The following ANKRD61 variants were observed in gnomAD, a reference collection of about 807,000 sequenced individuals.
ANKRD61 encodes ankyrin repeat domain-containing protein 61.
In ANKRD61, 7 loss-of-function variants were observed where a neutral mutation model predicts 8.4. That is an observed-to-expected ratio of 0.84 (90% CI 0.48 to 1.57). The LOEUF is 1.57. ANKRD61 is among the 40% of genes most tolerant of loss of function. The probability of loss-of-function intolerance (pLI) is 0.00; values close to 1 mark genes in which losing one functional copy is unlikely to be tolerated. For missense variants in ANKRD61, 516 were observed against 523.4 expected, an observed-to-expected ratio of 0.99 and a Z score of 0.14; for synonymous variants, 198 against 208.0, an observed-to-expected ratio of 0.95 and a Z score of 0.41.
At chr7:6,031,687 C>T in intron 1 of ANKRD61, 96 bp downstream of exon 1, 1 of 1,218,056 alleles carries the variant, frequency 8.2e-7, no homozygotes. Context: ...GCTCACGGCC[C>T]TTATGAGAAT....
chr7:6,035,353 A>T lies in ANKRD61; in HGVS notation c.315-91A>T. The T allele has an allele frequency of 1.6e-6, 2 of 1,231,694 alleles. No individual in the cohort carries two copies. The highest frequency in any genetic ancestry group is 2.2e-6 in the Non-Finnish European group (2 of 889,848). 76.3% of individuals were successfully genotyped at this position (1,231,694 alleles called of 1,614,324 possible). On this transcript the variant is annotated intron_variant, in intron 2 of 2. Coordinates refer to ENST00000409061, the MANE Select transcript of ANKRD61 (RefSeq NM_001271700.2). The surrounding 1 kb of genome is among the most constrained non-coding windows in gnomAD (Gnocchi z 5.5). ...TAAGGTAATTGAAGGGTCTTACTTT[A>T]AATAAATACTGGCTTCTTAAGCATT...
chr7:6,032,759 C>A lies in ANKRD61; in HGVS notation c.217-80C>A. ...ATGAGACACTAAATAAATGTATTGC[C>A]TTTGAAACGGCAAGCTAACACAAAC... On this transcript the variant is annotated intron_variant, in intron 1 of 2. Transcript: ENST00000409061. The surrounding 1 kb of genome is among the most constrained non-coding windows in gnomAD (Gnocchi z 4.3). The A allele has an allele frequency of 8.2e-7, 1 of 1,217,592 alleles. No homozygotes were observed. The highest frequency in any genetic ancestry group is 1.2e-6 in the Non-Finnish European group (1 of 856,972). The allele number at this position is 1,217,592 out of a possible 1,614,324, so 75.4% of individuals were successfully genotyped here.
At position 6,035,612 on chromosome 7, in the gene ANKRD61, T is replaced by C; in HGVS notation, c.483T>C (p.Thr161=). The change falls in exon 3 of 3, where the codon ACT becomes ACC. Residue 161 remains threonine (T), a synonymous_variant. Transcript: ENST00000409061. This position sits in a 1 kb window ranked among gnomAD's most constrained non-coding sequence, Gnocchi z 5.5. ...GTGCGCACGGAGCTCAAGTGAACAC[T>C]CAAGGGGAAATCAGCAACAAACGTT... is the stretch of plus-strand genomic sequence containing the variant. The part of the protein sequence containing the change: ...ILCAHGAQVN[T]QGEISNKRSP... The C allele has an allele frequency of 6.4e-7, 1 of 1,550,866 alleles. No homozygotes were observed. Among genetic ancestry groups the C allele is most frequent in the South Asian group, 1.2e-5 (1 of 84,050 alleles).
rs1428809454 is a variant in ANKRD61 at position 6,036,373 on chromosome 7, C to T, written c.1244C>T (p.Ala415Val). 6.8e-7 allele frequency: 1 copy of T among 1,478,456 alleles called. No homozygotes were observed. Among genetic ancestry groups the T allele is most frequent in the Admixed American group, 2.5e-5 (1 of 39,318 alleles). The allele number at this position is 1,478,456 out of a possible 1,614,324, so 91.6% of individuals were successfully genotyped here. The stretch of plus-strand genomic sequence containing the variant: ...TCTGTCTACTGCTGTTATGACTTGG[C>T]ATATACCTCTTGAAATAAGACCTCC... ...WNSVYCCYDL[A>V]YTS The change falls in exon 3 of 3, where the codon GCA becomes GTA. Residue 415 changes from alanine to valine, a missense_variant. Transcript: ENST00000409061. This position sits in a 1 kb window ranked among gnomAD's most constrained non-coding sequence, Gnocchi z 4.6.
rs770357764 is a variant in ANKRD61 at position 6,031,507 on chromosome 7, C to T, written c.132C>T (p.Ile44=). 3.9e-6 allele frequency: 6 copies of T among 1,550,672 alleles called. No homozygotes were observed. The Admixed American group carries it at 9.8e-5, about 25-fold the overall frequency. ...TCATGAGAGAAGACTGCACTACGAT[C>T]GAGGTACTCCTGAGAAATCACCCTG... The part of the protein sequence containing the change: ...EAIMREDCTT[I]EVLLRNHPVN... The change falls in exon 1 of 3, where the codon ATC becomes ATT. Residue 44 remains isoleucine (I), a synonymous_variant. Coordinates refer to ENST00000409061, the MANE Select transcript of ANKRD61 (RefSeq NM_001271700.2).
chr7:6,036,401 G>T lies in ANKRD61; in HGVS notation c.*15G>T. 6.9e-7 allele frequency: 1 copy of T among 1,441,470 alleles called. No individual in the cohort carries two copies. The highest frequency in any genetic ancestry group is 9.1e-7 in the Non-Finnish European group (1 of 1,098,650). The allele number at this position is 1,441,470 out of a possible 1,614,324, so 89.3% of individuals were successfully genotyped here. A position where few individuals can be genotyped will look rare whatever the true frequency, so the allele number is the denominator to read the frequency against. Reference sequence around the variant, plus strand: ...ATACCTCTTGAAATAAGACCTCCCAGTTTCACAGCAGAGGGACTTTCAGCC... The same window carrying T: ...ATACCTCTTGAAATAAGACCTCCCATTTTCACAGCAGAGGGACTTTCAGCC... On this transcript the variant is annotated 3_prime_UTR_variant, in exon 3 of 3. Coordinates refer to ENST00000409061, the MANE Select transcript of ANKRD61 (RefSeq NM_001271700.2). This position sits in a 1 kb window ranked among gnomAD's most constrained non-coding sequence, Gnocchi z 4.6.
At position 6,036,056 on chromosome 7, in the gene ANKRD61, A is replaced by T; in HGVS notation, c.927A>T (p.Arg309Ser). ...EFEANVNILT[R>S]NGESPIYMYL... The stretch of plus-strand genomic sequence containing the variant: ...AAGCAAATGTTAACATTTTAACAAG[A>T]AACGGGGAATCTCCAATTTATATGT... The change falls in exon 3 of 3, where the codon AGA (arginine) becomes AGT (serine). Residue 309 changes from arginine to serine, a missense_variant. Physicochemically the swap from Arg to Ser is moderately radical, Grantham distance 110. Transcript: ENST00000409061. This position sits in a 1 kb window ranked among gnomAD's most constrained non-coding sequence, Gnocchi z 4.6. The T allele has an allele frequency of 1.3e-6, 2 of 1,551,094 alleles. No individual in the cohort carries two copies. Among genetic ancestry groups the T allele is most frequent in the Non-Finnish European group, 1.7e-6 (2 of 1,147,134 alleles).
At position 6,032,937 on chromosome 7, in the gene ANKRD61, G is replaced by A. The variant is rs1262552408; in HGVS notation, c.314+1G>A. The A allele has an allele frequency of 6.5e-7, 1 of 1,548,738 alleles. No individual in the cohort carries two copies. Among genetic ancestry groups the A allele is most frequent in the African/African-American group, 1.4e-5 (1 of 72,924 alleles). ...GGCACGGTGCTGACCCAGAAGTCAG[G>A]TAAGTTAACTCCACCGAAAATCATT... On this transcript the variant is annotated splice_donor_variant, in intron 2 of 2. Coordinates refer to ENST00000409061, the MANE Select transcript of ANKRD61 (RefSeq NM_001271700.2). LOFTEE classifies it high-confidence loss of function. This position sits in a 1 kb window ranked among gnomAD's most constrained non-coding sequence, Gnocchi z 4.3.
rs1787949417 is a variant in ANKRD61 at position 6,032,651 on chromosome 7, A to T, written c.217-188A>T. Among the ~76,000 whole-genome samples, 1 of 152,220 alleles carries T rather than the reference A, an allele frequency of 6.6e-6. No individual in the cohort carries two copies. Among genetic ancestry groups the T allele is most frequent in the Non-Finnish European group, 1.5e-5 (1 of 68,038 alleles). On this transcript the variant is annotated intron_variant, in intron 1 of 2. Transcript: ENST00000409061. The surrounding 1 kb of genome is among the most constrained non-coding windows in gnomAD (Gnocchi z 4.3). ...TTCTGTGAAACACAGATTTTATAGG[A>T]TGGAATTCACTGAATTTTGATCATT...
chr7:6,035,437 A>ATT lies in ANKRD61; in HGVS notation c.315-6_315-5dup. The ATT allele has an allele frequency of 6.5e-7, 1 of 1,547,982 alleles. No homozygotes were observed. The highest frequency in any genetic ancestry group is 8.7e-7 in the Non-Finnish European group (1 of 1,144,988). On this transcript the variant is annotated splice_region_variant and splice_polypyrimidine_tract_variant and intron_variant, in intron 2 of 2. Transcript: ENST00000409061. This position sits in a 1 kb window ranked among gnomAD's most constrained non-coding sequence, Gnocchi z 5.5. ...TCAGTGTAACGTGTAATCAATACCC[A>ATT]TTCTAGGGACACGACAGGCCTCACC...
Position 6,032,746 on chromosome 7 carries a change from ATAAATG to A in ANKRD61, c.217-90_217-85del, listed in dbSNP as rs1218859014. 9.6e-7 allele frequency: 1 copy of A among 1,036,380 alleles called. No homozygotes were observed. Among genetic ancestry groups the A allele is most frequent in the African/African-American group, 1.6e-5 (1 of 62,126 alleles). 64.2% of individuals were successfully genotyped at this position (1,036,380 alleles called of 1,614,324 possible). A position where few individuals can be genotyped will look rare whatever the true frequency, so the allele number is the denominator to read the frequency against. On this transcript the variant is annotated intron_variant, in intron 1 of 2. Transcript: ENST00000409061. The surrounding 1 kb of genome is among the most constrained non-coding windows in gnomAD (Gnocchi z 4.3). ...AAAGAGTGAGCCAATGAGACACTAA[ATAAATG>A]TATTGCCTTTGAAACGGCAAGCTAA...
rs555716620 is a variant in ANKRD61 at position 6,032,453 on chromosome 7, C to T, written c.217-386C>T. On this transcript the variant is annotated intron_variant, in intron 1 of 2. Transcript: ENST00000409061. This position sits in a 1 kb window ranked among gnomAD's most constrained non-coding sequence, Gnocchi z 4.3. The stretch of plus-strand genomic sequence containing the variant: ...TCAGGTTTTACTGCTGATAATACGA[C>T]TTTGGCAACGACACAGCACCTACTT... Among the ~76,000 whole-genome samples, 47 of 152,314 alleles carry T rather than the reference C, an allele frequency of 3.1e-4. No individual in the cohort carries two copies. Among genetic ancestry groups the T allele is most frequent in the African/African-American group, 1.1e-3 (47 of 41,574 alleles).
chr7:6,034,634 G>A (rs1420318218), intron 2 of ANKRD61, among the ~76,000 whole-genome samples: 2 of 152,214 alleles, frequency 1.3e-5, no homozygotes, highest in Non-Finnish European at 2.9e-5. Flanking sequence ...GGGGCCACCT[G>A]CTGTTTCACC....
intron 2 of ANKRD61, among the ~76,000 whole-genome samples, chr7:6,034,509 G>A (rs561565734): frequency 4.5e-4 from 68 of 152,096 alleles, no homozygotes; most frequent in African/African-American, 1.6e-3. Flanking sequence ...CATACTGCAT[G>A]CACTATGTGA....
rs1336417679 is a variant in ANKRD61, at chr7:6,032,654, G to A, written c.217-185G>A. On this transcript the variant is annotated intron_variant, in intron 1 of 2. Transcript: ENST00000409061. This position sits in a 1 kb window ranked among gnomAD's most constrained non-coding sequence, Gnocchi z 4.3. The stretch of plus-strand genomic sequence containing the variant: ...TGTGAAACACAGATTTTATAGGATG[G>A]AATTCACTGAATTTTGATCATTTAA... Among the ~76,000 whole-genome samples, 1 of 152,172 alleles carries A rather than the reference G, an allele frequency of 6.6e-6. No homozygotes were observed. Among genetic ancestry groups the A allele is most frequent in the Non-Finnish European group, 1.5e-5 (1 of 68,038 alleles).
chr7:6,032,880 C>T lies in ANKRD61; in HGVS notation c.258C>T (p.Tyr86=), dbSNP rs1414968473. 1 of 1,551,084 alleles carries T rather than the reference C, an allele frequency of 6.4e-7. No homozygotes were observed. Among genetic ancestry groups the T allele is most frequent in the African/African-American group, 1.4e-5 (1 of 73,180 alleles). The part of the protein sequence containing the change: ...SIIPIHLAAK[Y]HKAQSLLCLL... ...TCCCCATCCATCTGGCTGCCAAGTA[C>T]CACAAGGCCCAGAGTCTGCTCTGCC... Residue 86 remains tyrosine, a synonymous_variant, in exon 2 of 3, where the codon TAC becomes TAT. Transcript: ENST00000409061. This position sits in a 1 kb window ranked among gnomAD's most constrained non-coding sequence, Gnocchi z 4.3.
At position 6,033,622 on chromosome 7, in the gene ANKRD61, G is replaced by A. The variant is rs1379461297; in HGVS notation, c.314+686G>A. Reference sequence around the variant, plus strand: ...TTTTTGTTTTTTGAGACAGAGTCTCGCTCTGTCGCCCAGGCTGGAGTGCAG... The same window carrying A: ...TTTTTGTTTTTTGAGACAGAGTCTCACTCTGTCGCCCAGGCTGGAGTGCAG... On this transcript the variant is annotated intron_variant, in intron 2 of 2. Coordinates refer to ENST00000409061, the MANE Select transcript of ANKRD61 (RefSeq NM_001271700.2). The surrounding 1 kb of genome is among the most constrained non-coding windows in gnomAD (Gnocchi z 4.4). Among the ~76,000 whole-genome samples the A allele has an allele frequency of 6.6e-6, 1 of 151,674 alleles. No individual in the cohort carries two copies. Among genetic ancestry groups the A allele is most frequent in the South Asian group, 2.1e-4 (1 of 4,806 alleles).
rs905817552 is a variant in ANKRD61 at position 6,035,939 on chromosome 7, A to G, written c.810A>G (p.Lys270=). The G allele has an allele frequency of 5.6e-5, 87 of 1,547,734 alleles. No individual in the cohort carries two copies. The highest frequency in any genetic ancestry group is 7.2e-5 in the Non-Finnish European group (82 of 1,145,130). ...GTCTGCTACTCACTCACGGAGCCAA[A>G]GTCAACGCCCAGGACTACAAGGGCC... is the stretch of plus-strand genomic sequence containing the variant. ...CIRLLLTHGA[K]VNAQDYKGQT... The change falls in exon 3 of 3, where the codon AAA becomes AAG. Residue 270 remains lysine (K), a synonymous_variant. Coordinates refer to ENST00000409061, the MANE Select transcript of ANKRD61 (RefSeq NM_001271700.2). This position sits in a 1 kb window ranked among gnomAD's most constrained non-coding sequence, Gnocchi z 5.5.
chr7:6,031,767 A>G (rs1787919438), intron 1 of ANKRD61, among the ~76,000 whole-genome samples, 176 bp downstream of exon 1: 1 of 152,076 alleles, frequency 6.6e-6, no homozygotes, highest in Non-Finnish European at 1.5e-5. Context: ...TCCCCTACAC[A>G]TGTCACACAC....
Sources: allele counts gnomAD v4.1 joint callset (sites outside exome capture counted in the v4.1 genomes callset), GRCh38; gene constraint gnomAD v4.1.1; non-coding constraint Gnocchi (gnomAD v3.1); transcripts MANE v1.5; gene names NCBI Gene and HGNC (gene_info 2026-07-23, HGNC 2026-07-21).